PRKN: variants seen among roughly 807,000 people sequenced by gnomAD.
PRKN encodes parkin RBR E3 ubiquitin protein ligase.
PRKN carries 56 observed loss-of-function variants against 59.5 expected under a neutral mutation model. The ratio of observed to expected loss-of-function variants is 0.94; its 90% CI spans 0.76 to 1.18. The LOEUF (loss-of-function observed/expected upper bound fraction) is 1.18. PRKN is among the 50% of genes most tolerant of loss of function. The pLI is 0.00. For missense variants in PRKN, 657 were observed against 596.4 expected (o/e 1.10, Z -1.06); for synonymous variants, 250 against 222.1 (o/e 1.13, Z -1.12).
At chr6:162,229,945 C>T (rs10455899) in intron 3 of PRKN, among the ~76,000 whole-genome samples, 14,019 of 152,230 alleles carry the variant, frequency 0.092, 883 homozygotes, top group South Asian at 0.26. Flanking sequence ...AGGAATCCTG[C>T]CTGTTGTTTT....
chr6:162,380,460 C>T (rs2320483), intron 2 of PRKN, among the ~76,000 whole-genome samples: 3 of 61,436 alleles, frequency 4.9e-5, no homozygotes, highest in African/African-American at 9.9e-5. Context: ...TATATACACA[C>T]ATATATATGT....
chr6:162,124,537 G>A (rs937161237), intron 4 of PRKN, among the ~76,000 whole-genome samples: 10 of 152,162 alleles, frequency 6.6e-5, no homozygotes, highest in African/African-American at 2.2e-4. Context: ...ATTGAAAAGG[G>A]AGAAAATCAA....
chr6:162,377,376 C>G (rs564515324), intron 2 of PRKN, among the ~76,000 whole-genome samples: 3 of 152,188 alleles, frequency 2.0e-5, no homozygotes, highest in Admixed American at 2.0e-4. Flanking sequence ...AGTGACACCA[C>G]GCTCGGTGAC....
intron 7 of PRKN, among the ~76,000 whole-genome samples, chr6:161,751,120 A>G (rs554543041): frequency 6.6e-6 from 1 of 152,380 alleles, no homozygotes; most frequent in East Asian, 1.9e-4. Context: ...AAAGTTCAGT[A>G]GAACCAATTA....
chr6:162,060,118 T>C (rs555914316), intron 4 of PRKN, among the ~76,000 whole-genome samples: 4 of 152,290 alleles, frequency 2.6e-5, no homozygotes, highest in African/African-American at 7.2e-5. Context: ...TACAGCAAAT[T>C]AAATTTTCCA....
intron 10 of PRKN, among the ~76,000 whole-genome samples, chr6:161,380,839 T>C (rs1166189377): frequency 6.6e-6 from 1 of 152,164 alleles, no homozygotes; most frequent in Admixed American, 6.5e-5. Flanking sequence ...AAAATCACAC[T>C]GGAAGGCCTG....
intron 1 of PRKN, among the ~76,000 whole-genome samples, chr6:162,592,692 G>A (rs377146362): frequency 1.3e-5 from 2 of 152,188 alleles, no homozygotes; most frequent in South Asian, 2.1e-4. Context: ...ATAAAACCAA[G>A]TAGGTACCCT....
At chr6:162,375,405 G>GT (rs1361938543) in intron 2 of PRKN, among the ~76,000 whole-genome samples, 1,826 of 139,162 alleles carry the variant, frequency 0.013, 23 homozygotes, top group African/African-American at 0.034. Flanking sequence ...ATCAACTCCT[G>GT]TTTTTTTTTT....
chr6:161,476,208 C>T (rs1317055143), intron 9 of PRKN, among the ~76,000 whole-genome samples: 5 of 151,328 alleles, frequency 3.3e-5, no homozygotes, highest in Non-Finnish European at 7.4e-5. Flanking sequence ...AAAAATTATT[C>T]AAGATAGTGT....
intron 3 of PRKN, among the ~76,000 whole-genome samples, chr6:162,252,935 A>T (rs1779494813): frequency 6.6e-6 from 1 of 152,216 alleles, no homozygotes; most frequent in Non-Finnish European, 1.5e-5. Flanking sequence ...TAAGTTAGTA[A>T]GCATCAACAA....
At chr6:162,019,682 G>T (rs1051249387) in intron 5 of PRKN, among the ~76,000 whole-genome samples, 1 of 152,096 alleles carries the variant, frequency 6.6e-6, no homozygotes, top group Admixed American at 6.5e-5. Context: ...AGACTACAAC[G>T]AGCCTTTAAT....
chr6:161,921,029 A>C (rs889227755), intron 6 of PRKN, among the ~76,000 whole-genome samples: 2 of 152,200 alleles, frequency 1.3e-5, no homozygotes, highest in Non-Finnish European at 2.9e-5. Context: ...ACACTTCTTA[A>C]TTTTTAAAAC....
intron 7 of PRKN, among the ~76,000 whole-genome samples, chr6:161,656,622 A>T (rs148652318): frequency 1.3e-5 from 2 of 152,276 alleles, no homozygotes; most frequent in African/African-American, 4.8e-5. Flanking sequence ...AACGAGGATG[A>T]TTCCAAATCT....
At chr6:162,602,543 C>T (rs1781753244) in intron 1 of PRKN, among the ~76,000 whole-genome samples, 1 of 152,182 alleles carries the variant, frequency 6.6e-6, no homozygotes, top group African/African-American at 2.4e-5. Context: ...ATCATTCTCA[C>T]TGCAGTGGGG....
At chr6:162,689,530 G>A (rs1347476248) in intron 1 of PRKN, among the ~76,000 whole-genome samples, 1 of 152,176 alleles carries the variant, frequency 6.6e-6, no homozygotes, top group African/African-American at 2.4e-5. Flanking sequence ...GTACGATTAT[G>A]TTGTCTTTAT....
At chr6:161,886,129 G>A (rs73020580) in intron 6 of PRKN, among the ~76,000 whole-genome samples, 10,463 of 152,148 alleles carry the variant, frequency 0.069, 409 homozygotes, top group South Asian at 0.1. Flanking sequence ...AGACAGCTAT[G>A]CTCTAATTCA....
At chr6:162,008,584 A>G (rs2086771629) in intron 5 of PRKN, among the ~76,000 whole-genome samples, 1 of 152,138 alleles carries the variant, frequency 6.6e-6, no homozygotes, top group Admixed American at 6.5e-5. Context: ...GAACCCCAGG[A>G]GAATCTGGAA....
chr6:162,550,959 C>T (rs1779310802), intron 1 of PRKN, among the ~76,000 whole-genome samples: 1 of 152,138 alleles, frequency 6.6e-6, no homozygotes, highest in African/African-American at 2.4e-5. Context: ...CGCATACCCA[C>T]CTGACAGATC....
intron 7 of PRKN, among the ~76,000 whole-genome samples, chr6:161,688,967 A>T (rs1314269192): frequency 6.6e-6 from 1 of 152,200 alleles, no homozygotes; most frequent in Non-Finnish European, 1.5e-5. Flanking sequence ...GCTGACTGAG[A>T]TCACCAAGGG....
Sources: gnomAD v4.1 joint callset for allele counts (sites outside exome capture counted in the v4.1 genomes callset) on GRCh38, gnomAD v4.1.1 for gene constraint, MANE v1.5 for transcripts, NCBI Gene and HGNC (gene_info 2026-07-23, HGNC 2026-07-21) for gene names.